TP53BP1: variants seen among roughly 807,000 people sequenced by gnomAD.
TP53BP1 encodes TP53-binding protein 1.
A neutral mutation model predicts 200.8 loss-of-function variants in TP53BP1; 61 were observed. The ratio of observed to expected loss-of-function variants is 0.30; its 90% CI spans 0.25 to 0.38. The LOEUF (loss-of-function observed/expected upper bound fraction) is 0.38. Ranked by LOEUF, TP53BP1 falls within the 10% of genes least tolerant of loss-of-function variation. TP53BP1 has a pLI of 1.00. For missense variants in TP53BP1, 2,144 were observed against 2,371.9 expected (o/e 0.90, Z 2.00); for synonymous variants, 822 against 844.3 (o/e 0.97, Z 0.46).
At chr15:43,414,715 T>C (rs576476646) in intron 23 of TP53BP1, among the ~76,000 whole-genome samples, 1 of 151,436 alleles carries the variant, frequency 6.6e-6, no homozygotes, top group South Asian at 2.1e-4. Context: ...AATATGACTT[T>C]TTTTTTTTTT....
At chr15:43,426,722 G>C (rs1049230956) in intron 18 of TP53BP1, among the ~76,000 whole-genome samples, 5 of 151,460 alleles carry the variant, frequency 3.3e-5, no homozygotes, top group Admixed American at 6.6e-5. Flanking sequence ...GAAGAAAACA[G>C]TTGTGCCTTG....
chr15:43,423,499 A>G (rs1197362203), intron 18 of TP53BP1, among the ~76,000 whole-genome samples: 1 of 53,594 alleles, frequency 1.9e-5, no homozygotes, highest in Admixed American at 1.6e-4. Flanking sequence ...CTCTACTAAC[A>G]CAAAAAAAAT....
At chr15:43,465,158 G>A (rs978402769) in intron 11 of TP53BP1, among the ~76,000 whole-genome samples, 2 of 151,924 alleles carry the variant, frequency 1.3e-5, no homozygotes, top group Non-Finnish European at 2.9e-5. Flanking sequence ...GTAGACTGGT[G>A]TCTACTTTCC....
upstream of TP53BP1, chr15:43,493,162 T>G: frequency 6.5e-7 from 1 of 1,542,486 alleles, no homozygotes. Context: ...AACTCCCCCT[T>G]TCCCGTCACG....
Position 43,405,093 on chromosome 15 carries a change from C to T in TP53BP1, c.*2290G>A, listed in dbSNP as rs2044822228. ...AGCAGAAGAGTCAAAAGAAACTCTTCAGTTTTAAGATGACATTATTTAGAT... is the reference window on the plus strand; with the variant it reads ...AGCAGAAGAGTCAAAAGAAACTCTTTAGTTTTAAGATGACATTATTTAGAT... On this transcript the variant is annotated 3_prime_UTR_variant, in exon 28 of 28. Coordinates refer to ENST00000382044, the MANE Select transcript of TP53BP1 (RefSeq NM_001141980.3). 2.3e-6 allele frequency: 3 copies of T among 1,291,434 alleles called. No individual in the cohort carries two copies. The highest frequency in any genetic ancestry group is 3.3e-6 in the Non-Finnish European group (3 of 910,276). 80.0% of individuals were successfully genotyped at this position (1,291,434 alleles called of 1,614,324 possible).
intron 17 of TP53BP1, among the ~76,000 whole-genome samples, chr15:43,429,453 T>A (rs1230965298): frequency 6.6e-6 from 1 of 152,198 alleles, no homozygotes; most frequent in African/African-American, 2.4e-5. Context: ...ATCTCCCCTA[T>A]GGTAGGCTGA....
At chr15:43,504,351 G>A (rs1040785030) in intron 1 of TP53BP1, among the ~76,000 whole-genome samples, 2 of 152,160 alleles carry the variant, frequency 1.3e-5, no homozygotes, top group African/African-American at 4.8e-5. Context: ...TCCAGGCATT[G>A]TGCTAAGCAT....
At chr15:43,431,730 T>C (rs1031229763) in intron 17 of TP53BP1, among the ~76,000 whole-genome samples, 1 of 152,216 alleles carries the variant, frequency 6.6e-6, no homozygotes, top group Non-Finnish European at 1.5e-5. Flanking sequence ...CTGTTACCAT[T>C]CTTTCTGTTT....
At position 43,480,913 on chromosome 15, in the gene TP53BP1, G is replaced by A. The variant is rs778111922; in HGVS notation, c.481C>T (p.His161Tyr). ...KEEDTSGNTTHSLGAEDTASS... is the reference protein window; with the variant it reads ...KEEDTSGNTTYSLGAEDTASS... Reference sequence around the variant, plus strand: ...AGGCTACCTTCAGCACCAAGGGAATGTGTAGTATTGCCTGAAGTATCTTCT... The same window carrying A: ...AGGCTACCTTCAGCACCAAGGGAATATGTAGTATTGCCTGAAGTATCTTCT... Residue 161 changes from histidine (H) to tyrosine (Y), a missense_variant, in exon 5 of 28, where the codon CAT (histidine) becomes TAT (tyrosine). Transcript: ENST00000382044. The A allele has an allele frequency of 1.2e-5, 20 of 1,614,024 alleles. No individual in the cohort carries two copies. Among genetic ancestry groups the A allele is most frequent in the Non-Finnish European group, 1.6e-5 (19 of 1,180,004 alleles).
chr15:43,439,267 G>GTGGCTTA (rs1394680863), intron 15 of TP53BP1, among the ~76,000 whole-genome samples: 1 of 152,178 alleles, frequency 6.6e-6, no homozygotes, highest in Non-Finnish European at 1.5e-5. Context: ...GCTGGGCACG[G>GTGGCTTA]TGGCTTATAC....
At chr15:43,409,141 G>T (rs1392599249) in intron 25 of TP53BP1, 45 bp from the exon 26 acceptor site, 3 of 1,581,306 alleles carry the variant, frequency 1.9e-6, no homozygotes, top group Admixed American at 3.4e-5. Context: ...GACTTCTGTG[G>T]AAAGCTCCTA....
chr15:43,456,311 A>G lies in TP53BP1; in HGVS notation c.2297T>C (p.Val766Ala), dbSNP rs1342503176. ...SEDSSVVIVDVKEPSPRVDVS... is the reference protein window; with the variant it reads ...SEDSSVVIVDAKEPSPRVDVS... ...ATCAACTCTGGGAGATGGCTCTTTCACATCTACAATGACAACACTGGAGTC... is the reference window on the plus strand; with the variant it reads ...ATCAACTCTGGGAGATGGCTCTTTCGCATCTACAATGACAACACTGGAGTC... Residue 766 changes from valine (V) to alanine (A), a missense_variant, in exon 12 of 28, where the codon GTG becomes GCG. By Grantham distance (64) the Val-to-Ala change is moderately conservative (BLOSUM62 0). Transcript: ENST00000382044. 1.2e-6 allele frequency: 2 copies of G among 1,614,152 alleles called. No homozygotes were observed. The highest frequency in any genetic ancestry group is 1.7e-6 in the Non-Finnish European group (2 of 1,180,046).
rs181651641 is a variant in TP53BP1 at position 43,404,072 on chromosome 15, C to T, written c.*3311G>A. On this transcript the variant is annotated 3_prime_UTR_variant, in exon 28 of 28. Transcript: ENST00000382044. ...TGTTCTAACTTCCTCACATCCTCCC[C>T]CCTCCTTACTTCCTTGAACTAACCC... 6 of 523,844 alleles carry T rather than the reference C, an allele frequency of 1.1e-5. No individual in the cohort carries two copies. The East Asian group carries it at 1.9e-4, about 16-fold the overall frequency. The allele number at this position is 523,844 out of a possible 1,614,324, so 32.4% of individuals were successfully genotyped here.
At chr15:43,440,313 C>T (rs1214791700) in intron 15 of TP53BP1, among the ~76,000 whole-genome samples, 1 of 151,986 alleles carries the variant, frequency 6.6e-6, no homozygotes, top group East Asian at 1.9e-4. Flanking sequence ...AGATCGAGAC[C>T]ATCCTGGCTA....
At chr15:43,438,557 C>T (rs550054918) in intron 15 of TP53BP1, 141 bp from the exon 16 acceptor site, 4 of 606,518 alleles carry the variant, frequency 6.6e-6, no homozygotes, top group African/African-American at 5.6e-5. Context: ...AATGCAAATT[C>T]TCCATACTTG....
In TP53BP1 at chr15:43,407,152, A is replaced by T; in HGVS notation, c.*231T>A. On this transcript the variant is annotated 3_prime_UTR_variant, in exon 28 of 28. Coordinates refer to ENST00000382044, the MANE Select transcript of TP53BP1 (RefSeq NM_001141980.3). Reference sequence around the variant, plus strand: ...TAAGCCTGTTGAAAGACTCAGAGAAAGTACTATGTCTTGTCATTTGTTCTG... The same window carrying T: ...TAAGCCTGTTGAAAGACTCAGAGAATGTACTATGTCTTGTCATTTGTTCTG... 2.1e-6 allele frequency: 1 copy of T among 476,732 alleles called. No individual in the cohort carries two copies. Among genetic ancestry groups the T allele is most frequent in the Non-Finnish European group, 3.8e-6 (1 of 265,520 alleles). The allele number at this position is 476,732 out of a possible 1,614,324, so 29.5% of individuals were successfully genotyped here. A position where few individuals can be genotyped will look rare whatever the true frequency, so the allele number is the denominator to read the frequency against.
chr15:43,409,794 G>A (rs981283551), intron 24 of TP53BP1, 53 bp from the exon 25 acceptor site: 13 of 866,306 alleles, frequency 1.5e-5, no homozygotes, highest in Non-Finnish European at 2.2e-5. Context: ...TTTCTTATTT[G>A]CTACCTTATG....
In TP53BP1 at chr15:43,447,496, A is replaced by G; in HGVS notation, c.2717-11T>C. 6.7e-7 allele frequency: 1 copy of G among 1,490,196 alleles called. No individual in the cohort carries two copies. The highest frequency in any genetic ancestry group is 8.9e-7 in the Non-Finnish European group (1 of 1,117,614). 92.3% of individuals were successfully genotyped at this position (1,490,196 alleles called of 1,614,324 possible). Reference sequence around the variant, plus strand: ...AATGAAATGGGGTTTCTGAAAAAAAAAAAAAAAAGAAAAAAGAAAGAAAGA... The same window carrying G: ...AATGAAATGGGGTTTCTGAAAAAAAGAAAAAAAAGAAAAAAGAAAGAAAGA... On this transcript the variant is annotated splice_polypyrimidine_tract_variant and intron_variant, in intron 12 of 27. Transcript: ENST00000382044.
intron 18 of TP53BP1, among the ~76,000 whole-genome samples, chr15:43,426,603 G>C (rs1290984786): frequency 6.6e-6 from 1 of 151,966 alleles, no homozygotes; most frequent in East Asian, 1.9e-4. Context: ...CTGAAAAATA[G>C]TAATAATATG....
Sources: allele counts gnomAD v4.1 joint callset (sites outside exome capture counted in the v4.1 genomes callset), GRCh38; gene constraint gnomAD v4.1.1; transcripts MANE v1.5; gene names NCBI Gene and HGNC (gene_info 2026-07-23, HGNC 2026-07-21).